Variants in APIP observed in about 807,000 individuals in gnomAD.
APIP encodes APAF1 interacting protein, also known as methylthioribulose-1-phosphate dehydratase.
APIP carries 32 observed loss-of-function variants against 32.0 expected under a neutral mutation model. The observed-to-expected ratio is 1.00, with a 90% CI of 0.76 to 1.34. The LOEUF (loss-of-function observed/expected upper bound fraction) is 1.34. Ranked by LOEUF, APIP falls within the 40% of genes most tolerant of loss-of-function variation. The pLI, the probability that APIP is intolerant of heterozygous loss-of-function variation, is 0.00. For synonymous variants in APIP, 92 were observed against 94.8 expected (o/e 0.97, Z 0.17); for missense variants, 247 against 298.6 (o/e 0.83, Z 1.27).
intron 1 of APIP, among the ~76,000 whole-genome samples, chr11:34,903,707 C>T (rs1241560105): frequency 6.6e-6 from 1 of 152,172 alleles, no homozygotes; most frequent in African/African-American, 2.4e-5. Context: ...GACATCAACA[C>T]ACTTCACACC....
chr11:34,898,960 A>G (rs3961454), intron 1 of APIP, among the ~76,000 whole-genome samples: 2 of 151,594 alleles, frequency 1.3e-5, no homozygotes, highest in Admixed American at 1.3e-4. Flanking sequence ...CACCGCGCCC[A>G]GCTAATTGTT....
chr11:34,901,398 G>T (rs79122385), intron 1 of APIP, among the ~76,000 whole-genome samples: 58 of 26,746 alleles, frequency 2.2e-3, no homozygotes, highest in African/African-American at 3.9e-3. Context: ...GATGGGTCCC[G>T]GGGGCTCAAA....
rs570217996 is a variant in APIP, at chr11:34,892,085, A to T, written c.159-1533T>A. Among the ~76,000 whole-genome samples the T allele has an allele frequency of 1.3e-4, 20 of 152,286 alleles. No homozygotes were observed. The South Asian group carries it at 3.5e-3, about 27-fold the overall frequency. On this transcript the variant is annotated intron_variant, in intron 2 of 6. Coordinates refer to ENST00000395787, the MANE Select transcript of APIP (RefSeq NM_015957.4). ...ATTCAAGTGACTTGGTATGTTGTAAATGTCTTTGTAAAATGGAAATTAATT... is the reference window on the plus strand; with the variant it reads ...ATTCAAGTGACTTGGTATGTTGTAATTGTCTTTGTAAAATGGAAATTAATT...
chr11:34,887,334 T>TG (rs1853094682), intron 5 of APIP, among the ~76,000 whole-genome samples: 1 of 151,926 alleles, frequency 6.6e-6, no homozygotes, highest in Admixed American at 6.6e-5. Flanking sequence ...CCATAAGGCC[T>TG]CTCCTTCAGC....
intron 1 of APIP, among the ~76,000 whole-genome samples, chr11:34,903,880 C>T (rs1436122517): frequency 6.6e-6 from 1 of 152,214 alleles, no homozygotes; most frequent in Non-Finnish European, 1.5e-5. Context: ...ATGGAAAATC[C>T]TTAAAATCCT....
At chr11:34,896,831 TC>T (rs1220566082) in intron 1 of APIP, 1 of 1,284,930 alleles carries the variant, frequency 7.8e-7, no homozygotes, top group Admixed American at 2.3e-5. Flanking sequence ...ACCTTGAACT[TC>T]AATTTTGATA....
chr11:34,893,765 A>C (rs528818294), intron 2 of APIP, among the ~76,000 whole-genome samples: 9 of 152,362 alleles, frequency 5.9e-5, no homozygotes, highest in South Asian at 2.1e-4. Context: ...AGTAATTTAA[A>C]GCAGATAAAA....
chr11:34,906,776 G>T (rs749754128), intron 1 of APIP, among the ~76,000 whole-genome samples: 1 of 152,166 alleles, frequency 6.6e-6, no homozygotes, highest in South Asian at 2.1e-4. Flanking sequence ...ACAAGAACAC[G>T]CAGGCTTCAG....
chr11:34,891,440 T>G (rs1052281477), intron 2 of APIP, among the ~76,000 whole-genome samples: 5 of 152,146 alleles, frequency 3.3e-5, no homozygotes, highest in Non-Finnish European at 7.4e-5. Context: ...ACTGCATATA[T>G]GCAAACCAAG....
chr11:34,905,455 T>C (rs932930819), intron 1 of APIP, among the ~76,000 whole-genome samples: 1 of 152,188 alleles, frequency 6.6e-6, no homozygotes, highest in African/African-American at 2.4e-5. Flanking sequence ...GGACATGGTA[T>C]GGGAGCAACA....
At chr11:34,902,791 T>C (rs1168585602) in intron 1 of APIP, among the ~76,000 whole-genome samples, 3 of 152,064 alleles carry the variant, frequency 2.0e-5, no homozygotes, top group African/African-American at 7.2e-5. Flanking sequence ...CTTCAATCTG[T>C]ATGTGTCAGA....
intron 1 of APIP, among the ~76,000 whole-genome samples, chr11:34,906,410 G>A (rs1853457041): frequency 6.6e-6 from 1 of 152,196 alleles, no homozygotes. Context: ...AGACTGGGGA[G>A]GGCATGCACA....
At chr11:34,884,215 T>C (rs1428353397) in intron 5 of APIP, among the ~76,000 whole-genome samples, 5 of 152,222 alleles carry the variant, frequency 3.3e-5, no homozygotes, top group Non-Finnish European at 7.3e-5. Context: ...CATGAATTTC[T>C]CTTGTTTTGT....
intron 1 of APIP, among the ~76,000 whole-genome samples, chr11:34,914,271 A>G (rs78859186): frequency 4.1e-4 from 62 of 152,248 alleles, no homozygotes; most frequent in African/African-American, 1.5e-3. Context: ...AGCATGTTCT[A>G]GGGGAGAAGG....
At chr11:34,900,909 T>A (rs188491186) in intron 1 of APIP, among the ~76,000 whole-genome samples, 1 of 152,172 alleles carries the variant, frequency 6.6e-6, no homozygotes, top group East Asian at 1.9e-4. Context: ...TCCCACAGCC[T>A]TTATGGAAAG....
chr11:34,910,306 G>C (rs1853525779), intron 1 of APIP, among the ~76,000 whole-genome samples: 1 of 152,206 alleles, frequency 6.6e-6, no homozygotes, highest in African/African-American at 2.4e-5. Context: ...GGGTGTGGAA[G>C]CAAGATCGCA....
intron 1 of APIP, among the ~76,000 whole-genome samples, chr11:34,899,805 A>G (rs1446473675): frequency 6.6e-6 from 1 of 152,238 alleles, no homozygotes; most frequent in Non-Finnish European, 1.5e-5. Flanking sequence ...CCTAGGAACT[A>G]GCGAGGGAAA....
rs765529205 is a variant in APIP at position 34,894,994 on chromosome 11, G to C, written c.158+16C>G. The C allele has an allele frequency of 1.2e-6, 2 of 1,602,162 alleles. No homozygotes were observed. Among genetic ancestry groups the C allele is most frequent in the Admixed American group, 1.7e-5 (1 of 59,994 alleles). On this transcript the variant is annotated intron_variant, in intron 2 of 6. Coordinates refer to ENST00000395787, the MANE Select transcript of APIP (RefSeq NM_015957.4). ...AAATGGAGAGTTCCCAGTAATAAAG[G>C]CTGCCAGAAACTTACCCATGCTTCA...
chr11:34,893,416 T>C (rs1221516480), intron 2 of APIP, among the ~76,000 whole-genome samples: 6 of 152,200 alleles, frequency 3.9e-5, no homozygotes, highest in African/African-American at 1.4e-4. Flanking sequence ...TAGAATATGA[T>C]TTATTATAAA....
Sources: allele counts gnomAD v4.1 joint callset (sites outside exome capture counted in the v4.1 genomes callset), GRCh38; gene constraint gnomAD v4.1.1; transcripts MANE v1.5; gene names NCBI Gene and HGNC (gene_info 2026-07-23, HGNC 2026-07-21).